Variants in FYCO1 observed in about 807,000 individuals in gnomAD.
FYCO1 encodes FYVE and coiled-coil domain-containing protein 1.
FYCO1 carries 122 observed loss-of-function variants against 165.1 expected under a neutral mutation model. The ratio of observed to expected loss-of-function variants is 0.74; its 90% CI spans 0.64 to 0.86. FYCO1 has a LOEUF of 0.86. Ranked by LOEUF, FYCO1 falls within the 40% of genes least tolerant of loss-of-function variation. The pLI, the probability that FYCO1 is intolerant of heterozygous loss-of-function variation, is 0.00. For missense variants in FYCO1, 1,702 were observed against 1,810.3 expected, an observed-to-expected ratio of 0.94 and a Z score of 1.09; for synonymous variants, 648 against 742.5, an observed-to-expected ratio of 0.87 and a Z score of 2.07.
intron 14 of FYCO1, among the ~76,000 whole-genome samples, chr3:45,950,320 C>T (rs1704927886): frequency 6.6e-6 from 1 of 152,112 alleles, no homozygotes; most frequent in Non-Finnish European, 1.5e-5. Flanking sequence ...CTTATGGGCT[C>T]CAATCCCTTC....
intron 14 of FYCO1, among the ~76,000 whole-genome samples, chr3:45,953,109 C>T (rs1293508295): frequency 6.6e-6 from 1 of 152,190 alleles, no homozygotes; most frequent in Non-Finnish European, 1.5e-5. Context: ...ATTCTCTAGT[C>T]AGGGAACAGA....
intron 16 of FYCO1, among the ~76,000 whole-genome samples, chr3:45,926,948 G>A (rs1703348595): frequency 1.5e-5 from 2 of 134,850 alleles, no homozygotes; most frequent in Admixed American, 7.8e-5. Context: ...TGGGCAACAA[G>A]AGTGAAACTG....
rs187014607 is a variant in FYCO1, at chr3:45,966,050, C to A, written c.3057+227G>T. Among the ~76,000 whole-genome samples, 8 of 152,344 alleles carry A rather than the reference C, an allele frequency of 5.3e-5. No individual in the cohort carries two copies. In the East Asian group the frequency reaches 1.5e-3, roughly 29 times the overall value. ...TGTTTGCAATGGTCTTGAGTTTAAACTTCTGGGCTAAGGCATCACTCCCAA... is the reference window on the plus strand; with the variant it reads ...TGTTTGCAATGGTCTTGAGTTTAAAATTCTGGGCTAAGGCATCACTCCCAA... On this transcript the variant is annotated intron_variant, in intron 8 of 17. Transcript: ENST00000296137.
Position 45,930,185 on chromosome 3 carries a change from C to T in FYCO1, c.4251+886G>A, listed in dbSNP as rs76195257. ...TTCAGCTCCAGTCCAGCAGGCCCAACGGCTTTTACCATTTCTTTCACTCAG... is the reference window on the plus strand; with the variant it reads ...TTCAGCTCCAGTCCAGCAGGCCCAATGGCTTTTACCATTTCTTTCACTCAG... On this transcript the variant is annotated intron_variant, in intron 16 of 17. Coordinates refer to ENST00000296137, the MANE Select transcript of FYCO1 (RefSeq NM_024513.4). Among the ~76,000 whole-genome samples, 525 of 152,350 alleles carry T rather than the reference C, an allele frequency of 3.4e-3. 6 individuals carry two copies. Among genetic ancestry groups the T allele is most frequent in the African/African-American group, 0.011 (462 of 41,590 alleles).
In FYCO1 at chr3:45,964,627, A is replaced by G; in HGVS notation, c.3151-173T>C. ...TCTGCTCTATATTTGTGGGGCCTCA[A>G]CTGCAACTAGTTGTGGTGGTTGGCA... On this transcript the variant is annotated intron_variant, in intron 9 of 17. Coordinates refer to ENST00000296137, the MANE Select transcript of FYCO1 (RefSeq NM_024513.4). This position sits in a 1 kb window ranked among gnomAD's most constrained non-coding sequence, Gnocchi z 4.1. 1 of 851,656 alleles carries G rather than the reference A, an allele frequency of 1.2e-6. No individual in the cohort carries two copies. The highest frequency in any genetic ancestry group is 1.4e-6 in the Non-Finnish European group (1 of 707,732). The allele number at this position is 851,656 out of a possible 1,614,324, so 52.8% of individuals were successfully genotyped here.
chr3:45,947,261 C>T (rs1575348232), intron 14 of FYCO1: 2 of 1,614,148 alleles, frequency 1.2e-6, no homozygotes, highest in South Asian at 1.1e-5. Flanking sequence ...ACTGGGAATA[C>T]TATGCCATGA....
intron 14 of FYCO1, among the ~76,000 whole-genome samples, chr3:45,943,259 G>T (rs1391049988): frequency 6.6e-6 from 1 of 152,182 alleles, no homozygotes; most frequent in Non-Finnish European, 1.5e-5. Context: ...TACGAATAAA[G>T]CTCGTCAGGC....
At chr3:45,973,029 C>T in intron 6 of FYCO1, 59 bp downstream of exon 6, 1 of 1,598,916 alleles carries the variant, frequency 6.3e-7, no homozygotes, top group Non-Finnish European at 8.6e-7. Flanking sequence ...TGGTGGCAAT[C>T]TTCAAAACTT....
At chr3:45,979,245 T>C (rs1014234301) in intron 4 of FYCO1, among the ~76,000 whole-genome samples, 2 of 152,248 alleles carry the variant, frequency 1.3e-5, no homozygotes, top group Admixed American at 6.5e-5. Context: ...GGCACATCAC[T>C]GTTTTAAGAA....
chr3:45,935,549 G>A (rs1703846587), intron 15 of FYCO1, among the ~76,000 whole-genome samples: 1 of 152,112 alleles, frequency 6.6e-6, no homozygotes, highest in Non-Finnish European at 1.5e-5. Flanking sequence ...TGTTCCCTCT[G>A]CCTGAAATGC....
rs1472610492 is a variant in FYCO1 at position 45,964,428 on chromosome 3, C to T, written c.3177G>A (p.Lys1059=). The change falls in exon 10 of 18, where the codon AAG becomes AAA. Residue 1059 remains lysine (K), a synonymous_variant. Coordinates refer to ENST00000296137, the MANE Select transcript of FYCO1 (RefSeq NM_024513.4). The surrounding 1 kb of genome is among the most constrained non-coding windows in gnomAD (Gnocchi z 4.1). The part of the protein sequence containing the change: ...LKATQADMGE[K]LSCTSNHLAE... ...CAAGATGGTTGCTAGTGCAGCTCAGCTTCTCTCCCATGTCTGCTTGGGTGG... is the reference window on the plus strand; with the variant it reads ...CAAGATGGTTGCTAGTGCAGCTCAGTTTCTCTCCCATGTCTGCTTGGGTGG... 1.2e-5 allele frequency: 19 copies of T among 1,613,944 alleles called. No homozygotes were observed. The highest frequency in any genetic ancestry group is 1.5e-5 in the Non-Finnish European group (18 of 1,179,930).
rs769174091 is a variant in FYCO1 at position 45,969,679 on chromosome 3, A to G, written c.626T>C (p.Leu209Pro). Residue 209 changes from leucine (L) to proline (P), a missense_variant, in exon 7 of 18, where the codon CTG (leucine) becomes CCG (proline). Physicochemically the swap from Leu to Pro is moderately conservative, Grantham distance 98. Transcript: ENST00000296137. ...TCCCAGCCTTCCTGGCCTTACCTGC[A>G]GGTAGCTGCTCACCAAGCTGCTCAT... ...SSMSSLVSSY[L>P]QTQEMVSNFD... The G allele has an allele frequency of 6.2e-7, 1 of 1,613,406 alleles. No individual in the cohort carries two copies. Among genetic ancestry groups the G allele is most frequent in the East Asian group, 2.2e-5 (1 of 44,882 alleles).
chr3:45,943,396 G>C (rs990936931), intron 14 of FYCO1: 2 of 152,180 alleles, frequency 1.3e-5, no homozygotes, highest in Admixed American at 6.5e-5. Context: ...AAGGACGGGA[G>C]TAGGGGGTGG....
In FYCO1 at chr3:45,964,335, C is replaced by A; in HGVS notation, c.3269+1G>T. 6.2e-7 allele frequency: 1 copy of A among 1,611,746 alleles called. No individual in the cohort carries two copies. The highest frequency in any genetic ancestry group is 8.5e-7 in the Non-Finnish European group (1 of 1,177,814). ...AGCTACGTAGGTGGACTGTGACTAA[C>A]CTTTCTAGGTCTTCACGCAGGGCAG... On this transcript the variant is annotated splice_donor_variant, in intron 10 of 17. Transcript: ENST00000296137. LOFTEE classifies it high-confidence loss of function. This position sits in a 1 kb window ranked among gnomAD's most constrained non-coding sequence, Gnocchi z 4.1.
chr3:45,960,464 G>A (rs574390997), intron 11 of FYCO1, among the ~76,000 whole-genome samples: 1 of 152,308 alleles, frequency 6.6e-6, no homozygotes, highest in Admixed American at 6.5e-5. Flanking sequence ...TCAGGAAGCA[G>A]GAAGACTCAT....
chr3:45,922,008 G>A (rs1317294118), intron 17 of FYCO1, among the ~76,000 whole-genome samples, 168 bp from the exon 18 acceptor site: 2 of 152,190 alleles, frequency 1.3e-5, no homozygotes, highest in Non-Finnish European at 2.9e-5. Flanking sequence ...CTCCCTGGGA[G>A]GGTCAGAGGG....
chr3:45,962,455 G>T lies in FYCO1; in HGVS notation c.3270-63C>A. On this transcript the variant is annotated intron_variant, in intron 10 of 17. Transcript: ENST00000296137. This position sits in a 1 kb window ranked among gnomAD's most constrained non-coding sequence, Gnocchi z 4.4. ...ACTTCCAGCTTTCCCAGGGCTCTAA[G>T]CTCACCCAGGACTCTAATGAGGGGT... 1 of 1,478,720 alleles carries T rather than the reference G, an allele frequency of 6.8e-7. No homozygotes were observed. Among genetic ancestry groups the T allele is most frequent in the Non-Finnish European group, 9.5e-7 (1 of 1,056,762 alleles). 91.6% of individuals were successfully genotyped at this position (1,478,720 alleles called of 1,614,324 possible). A position where few individuals can be genotyped will look rare whatever the true frequency, so the allele number is the denominator to read the frequency against.
At chr3:45,995,469 G>C (rs1047161950) in intron 1 of FYCO1, among the ~76,000 whole-genome samples, 1 of 152,248 alleles carries the variant, frequency 6.6e-6, no homozygotes, top group Non-Finnish European at 1.5e-5. Context: ...TGGAACTGGT[G>C]TTTGGGGTCT....
In FYCO1 at chr3:45,968,643, C is replaced by A. The variant is rs963750307; in HGVS notation, c.691G>T (p.Gly231Cys). The A allele has an allele frequency of 1.2e-6, 2 of 1,614,042 alleles. No individual in the cohort carries two copies. Among genetic ancestry groups the A allele is most frequent in the African/African-American group, 2.7e-5 (2 of 74,910 alleles). Residue 231 changes from glycine to cysteine, a missense_variant, in exon 8 of 18, where the codon GGC (glycine) becomes TGC (cysteine). Transcript: ENST00000296137. Reference protein sequence around the residue: ...NSPLNNEALEGFDEMRLELDQ... With the variant: ...NSPLNNEALECFDEMRLELDQ... ...AGCTCTAGTCGCATCTCATCAAAGC[C>A]CTCCAATGCCTCGTTGTTTAGGGGG...
Sources: allele counts gnomAD v4.1 joint callset (sites outside exome capture counted in the v4.1 genomes callset), GRCh38; gene constraint gnomAD v4.1.1; non-coding constraint Gnocchi (gnomAD v3.1); transcripts MANE v1.5; gene names NCBI Gene and HGNC (gene_info 2026-07-23, HGNC 2026-07-21).